Variants in ARHGAP15 observed in about 807,000 individuals in gnomAD.
The protein encoded by ARHGAP15 is Rho GTPase activating protein 15.
Under a neutral mutation model 63.7 loss-of-function variants are expected in ARHGAP15, and 51 were observed. The observed-to-expected ratio is 0.80, with a 90% confidence interval of 0.64 to 1.01. The LOEUF (loss-of-function observed/expected upper bound fraction) is 1.01, where lower values mean the gene tolerates loss of function less well. Among genes scored for constraint, ARHGAP15 ranks in the 50% least tolerant of loss-of-function variants. ARHGAP15 has a pLI of 0.00. For missense variants in ARHGAP15, 560 were observed against 564.6 expected, an observed-to-expected ratio of 0.99 and a Z score of 0.08; for synonymous variants, 191 against 193.8, an observed-to-expected ratio of 0.99 and a Z score of 0.12.
chr2:143,409,138 T>C (rs1429188941), intron 6 of ARHGAP15, among the ~76,000 whole-genome samples: 1 of 151,976 alleles, frequency 6.6e-6, no homozygotes, highest in Non-Finnish European at 1.5e-5. Context: ...GGTGCCACCA[T>C]GTTAAGCAAT....
At chr2:143,310,257 T>C (rs1683378399) in intron 6 of ARHGAP15, among the ~76,000 whole-genome samples, 1 of 152,080 alleles carries the variant, frequency 6.6e-6, no homozygotes, top group South Asian at 2.1e-4. Flanking sequence ...AATGTTTTAT[T>C]CTTAGTTTGT....
intron 6 of ARHGAP15, among the ~76,000 whole-genome samples, chr2:143,256,557 G>A (rs147707125): frequency 2.5e-3 from 375 of 152,088 alleles, no homozygotes; most frequent in Middle Eastern, 6.8e-3. Context: ...ATAGAAACTT[G>A]CAAAAGGTAA....
chr2:143,386,299 A>G (rs957272805), intron 6 of ARHGAP15, among the ~76,000 whole-genome samples: 3 of 152,174 alleles, frequency 2.0e-5, no homozygotes, highest in African/African-American at 7.2e-5. Context: ...ATGGCCAAAT[A>G]TGCAATTTTC....
intron 8 of ARHGAP15, among the ~76,000 whole-genome samples, chr2:143,475,594 C>T (rs1313039712): frequency 1.3e-5 from 2 of 152,182 alleles, no homozygotes; most frequent in African/African-American, 4.8e-5. Flanking sequence ...ACACAGTGGG[C>T]CCTACAGAGG....
At chr2:143,354,860 C>G (rs1322025365) in intron 6 of ARHGAP15, among the ~76,000 whole-genome samples, 1 of 152,052 alleles carries the variant, frequency 6.6e-6, no homozygotes, top group Non-Finnish European at 1.5e-5. Context: ...TTATGAAAGC[C>G]GGCAACACTT....
At chr2:143,276,487 G>GT (rs1490921342) in intron 6 of ARHGAP15, among the ~76,000 whole-genome samples, 1 of 152,204 alleles carries the variant, frequency 6.6e-6, no homozygotes, top group Admixed American at 6.5e-5. Context: ...CTGGATGACA[G>GT]TTTTGCTGTC....
chr2:143,657,908 C>T (rs1270549815), intron 12 of ARHGAP15, among the ~76,000 whole-genome samples: 4 of 152,130 alleles, frequency 2.6e-5, no homozygotes, highest in Admixed American at 2.6e-4. Flanking sequence ...GATTCTGTTC[C>T]TTCAGTTTGG....
chr2:143,576,726 G>C (rs189651010), intron 11 of ARHGAP15, among the ~76,000 whole-genome samples: 1 of 152,220 alleles, frequency 6.6e-6, no homozygotes. Context: ...TCTGGGAGTT[G>C]AGTTAGATTA....
chr2:143,730,893 A>T (rs12990034), intron 13 of ARHGAP15, among the ~76,000 whole-genome samples: 4 of 60,566 alleles, frequency 6.6e-5, no homozygotes, highest in East Asian at 5.9e-4. Flanking sequence ...GCACTCCTTT[A>T]AAAAAAAAAA....
intron 10 of ARHGAP15, among the ~76,000 whole-genome samples, chr2:143,553,205 C>G (rs1200532173): frequency 1.3e-5 from 2 of 152,148 alleles, no homozygotes; most frequent in Non-Finnish European, 2.9e-5. Context: ...TGTTAAAATT[C>G]ACTGATATGT....
intron 8 of ARHGAP15, among the ~76,000 whole-genome samples, chr2:143,483,611 G>C (rs1692178421): frequency 6.6e-6 from 1 of 152,166 alleles, no homozygotes; most frequent in African/African-American, 2.4e-5. Context: ...CTAGAATACA[G>C]ACCTATGGGA....
chr2:143,409,567 C>A (rs1049498991), intron 6 of ARHGAP15, among the ~76,000 whole-genome samples: 24 of 151,830 alleles, frequency 1.6e-4, no homozygotes, highest in Admixed American at 6.6e-5. Flanking sequence ...ACCTATATAC[C>A]CCCAGTACAA....
At chr2:143,664,501 A>C (rs1206564780) in intron 12 of ARHGAP15, among the ~76,000 whole-genome samples, 1 of 152,102 alleles carries the variant, frequency 6.6e-6, no homozygotes, top group African/African-American at 2.4e-5. Context: ...CATCACAATT[A>C]AAAGAACTAG....
At position 143,642,695 on chromosome 2, in the gene ARHGAP15, T is replaced by C. The variant is rs539529820; in HGVS notation, c.1138+18428T>C. Reference sequence around the variant, plus strand: ...ACATGTGATCTAGCAGCACAATGAATGATGAAGACAATAAATGTTCTACAG... The same window carrying C: ...ACATGTGATCTAGCAGCACAATGAACGATGAAGACAATAAATGTTCTACAG... On this transcript the variant is annotated intron_variant, in intron 12 of 13. Coordinates refer to ENST00000295095, the MANE Select transcript of ARHGAP15 (RefSeq NM_018460.4). 1.1e-3 allele frequency among the ~76,000 whole-genome samples: 168 copies of C among 152,172 alleles called. 1 individual carries two copies. The highest frequency in any genetic ancestry group is 1.8e-3 in the Non-Finnish European group (120 of 67,986).
chr2:143,348,722 G>T (rs1466386263), intron 6 of ARHGAP15, among the ~76,000 whole-genome samples: 2 of 152,108 alleles, frequency 1.3e-5, no homozygotes, highest in African/African-American at 4.8e-5. Context: ...CCTAAGGATA[G>T]TCTGAATTAT....
At chr2:143,362,436 C>T (rs190119715) in intron 6 of ARHGAP15, among the ~76,000 whole-genome samples, 1 of 152,166 alleles carries the variant, frequency 6.6e-6, no homozygotes, top group African/African-American at 2.4e-5. Context: ...AATTCTGCGT[C>T]CTCCTCTTCA....
At chr2:143,605,882 A>AAAAAAAAAAAAAAAAG (rs1347834366) in intron 11 of ARHGAP15, among the ~76,000 whole-genome samples, 1 of 134,792 alleles carries the variant, frequency 7.4e-6, no homozygotes, top group East Asian at 2.4e-4. Flanking sequence ...AAAAAAAAAA[A>AAAAAAAAAAAAAAAAG]AAAATTAGCC....
At chr2:143,417,380 CT>C (rs1473367148) in intron 6 of ARHGAP15, among the ~76,000 whole-genome samples, 1 of 152,088 alleles carries the variant, frequency 6.6e-6, no homozygotes, top group African/African-American at 2.4e-5. Flanking sequence ...AAGAGTTTCT[CT>C]TATTTCACAA....
intron 10 of ARHGAP15, among the ~76,000 whole-genome samples, chr2:143,519,969 C>G (rs1314472129): frequency 6.6e-6 from 1 of 152,198 alleles, no homozygotes; most frequent in Non-Finnish European, 1.5e-5. Context: ...ATCATTTCTA[C>G]TCCACTCTAT....
Sources: gnomAD v4.1 joint callset for allele counts (sites outside exome capture counted in the v4.1 genomes callset) on GRCh38, gnomAD v4.1.1 for gene constraint, MANE v1.5 for transcripts, NCBI Gene and HGNC (gene_info 2026-07-23, HGNC 2026-07-21) for gene names.